The following SCN10A variants were observed in gnomAD, a reference collection of about 807,000 sequenced individuals.
SCN10A encodes the protein sodium channel protein type 10 subunit alpha.
A neutral mutation model predicts 170.7 loss-of-function variants in SCN10A; 162 were observed. The ratio of observed to expected loss-of-function variants is 0.95; its 90% CI spans 0.84 to 1.08. The LOEUF is 1.08. Ranked by LOEUF, SCN10A falls within the 50% of genes least tolerant of loss-of-function variation. The probability of loss-of-function intolerance (pLI) is 0.00; values close to 1 mark genes in which losing one functional copy is unlikely to be tolerated. For synonymous variants in SCN10A, 985 were observed against 904.6 expected (o/e 1.09, Z -1.59); for missense variants, 2,527 against 2,436.9 (o/e 1.04, Z -0.78).
At chr3:38,812,212 T>C (rs2064445499) in intron 1 of SCN10A, among the ~76,000 whole-genome samples, 1 of 152,250 alleles carries the variant, frequency 6.6e-6, no homozygotes, top group Non-Finnish European at 1.5e-5. Context: ...TTTCTATATT[T>C]TGGGCATAGT....
chr3:38,722,544 A>G (rs1178187248), intron 19 of SCN10A, 132 bp from the exon 20 acceptor site: 45 of 1,021,492 alleles, frequency 4.4e-5, no homozygotes, highest in Non-Finnish European at 6.3e-5. Flanking sequence ...CTTTCCTGGA[A>G]TATGGGTGAA....
At chr3:38,709,408 C>A in intron 25 of SCN10A, 70 bp downstream of exon 25, 1 of 1,493,166 alleles carries the variant, frequency 6.7e-7, no homozygotes, top group African/African-American at 1.4e-5. Context: ...GAGGCCAGAG[C>A]TGGGCAGGGA....
intron 1 of SCN10A, among the ~76,000 whole-genome samples, chr3:38,805,504 A>G (rs1024503469): frequency 3.9e-5 from 6 of 152,194 alleles, no homozygotes; most frequent in African/African-American, 1.4e-4. Context: ...CCAAGATGTA[A>G]GCATTTCATA....
intron 1 of SCN10A, among the ~76,000 whole-genome samples, chr3:38,803,036 G>T (rs1290628330): frequency 6.6e-6 from 1 of 152,134 alleles, no homozygotes; most frequent in Non-Finnish European, 1.5e-5. Context: ...GCAGCAAACA[G>T]GCACATGAAA....
chr3:38,797,663 G>T (rs1490319581), intron 1 of SCN10A, among the ~76,000 whole-genome samples: 3 of 152,088 alleles, frequency 2.0e-5, no homozygotes, highest in Non-Finnish European at 4.4e-5. Flanking sequence ...TCTCTTCCTT[G>T]TCTAGGGGAG....
At chr3:38,761,465 T>C (rs2063871135) in intron 6 of SCN10A, 82 bp from the exon 7 acceptor site, 2 of 1,236,870 alleles carry the variant, frequency 1.6e-6, no homozygotes. Context: ...CCATCCTCCT[T>C]CATCTCTACA....
intron 25 of SCN10A, among the ~76,000 whole-genome samples, chr3:38,709,028 A>G (rs2063241824): frequency 6.6e-6 from 1 of 152,148 alleles, no homozygotes; most frequent in South Asian, 2.1e-4. Context: ...CAGAGTCGGC[A>G]CCCTTGGAGG....
chr3:38,785,194 A>G (rs2064183510), intron 4 of SCN10A, among the ~76,000 whole-genome samples: 1 of 152,220 alleles, frequency 6.6e-6, no homozygotes, highest in Non-Finnish European at 1.5e-5. Context: ...AGCAAAAAGA[A>G]GAAAGTTGGA....
intron 15 of SCN10A, among the ~76,000 whole-genome samples, chr3:38,731,768 A>G (rs2063515320): frequency 6.6e-6 from 1 of 152,216 alleles, no homozygotes; most frequent in African/African-American, 2.4e-5. Context: ...GTAAGCATGA[A>G]GAGATAACTG....
chr3:38,728,515 G>A, intron 16 of SCN10A, 27 bp downstream of exon 16: 2 of 1,530,656 alleles, frequency 1.3e-6, no homozygotes, highest in Non-Finnish European at 1.8e-6. Context: ...CCAGGAGACA[G>A]TGCCCCCAGC....
At position 38,786,232 on chromosome 3, in the gene SCN10A, C is replaced by T. The variant is rs150522419; in HGVS notation, c.470+2724G>A. On this transcript the variant is annotated intron_variant, in intron 4 of 27. Coordinates refer to ENST00000449082, the MANE Select transcript of SCN10A (RefSeq NM_006514.4). The stretch of plus-strand genomic sequence containing the variant: ...AGCAAAGACTTGGAACTAACCCAAA[C>T]GCCCATCAGTGATAGACTGGATAAA... 4.4e-3 allele frequency among the ~76,000 whole-genome samples: 674 copies of T among 152,002 alleles called. 8 individuals are homozygous for T. The highest frequency in any genetic ancestry group is 0.015 in the African/African-American group (641 of 41,474).
intron 15 of SCN10A, among the ~76,000 whole-genome samples, chr3:38,729,788 C>T (rs1271948781): frequency 6.6e-6 from 1 of 152,220 alleles, no homozygotes; most frequent in African/African-American, 2.4e-5. Flanking sequence ...TACTAAGAGC[C>T]AGGCTGTGGC....
chr3:38,769,272 C>A (rs548550253), intron 5 of SCN10A, among the ~76,000 whole-genome samples: 277 of 74,688 alleles, frequency 3.7e-3, no homozygotes, highest in African/African-American at 0.013. Flanking sequence ...GATTTTCACT[C>A]TTGTTGCCCA....
intron 1 of SCN10A, 118 bp from the exon 2 acceptor site, chr3:38,794,160 T>A (rs896122241): frequency 1.4e-6 from 1 of 693,380 alleles, no homozygotes; most frequent in African/African-American, 1.8e-5. Flanking sequence ...ATCTGGCCCC[T>A]CCCTGAACTC....
chr3:38,763,202 T>G lies in SCN10A; in HGVS notation c.691+303A>C, dbSNP rs1162496617. Among the ~76,000 whole-genome samples, 4 of 152,202 alleles carry G rather than the reference T, an allele frequency of 2.6e-5. No individual in the cohort carries two copies. In the East Asian group the frequency reaches 7.7e-4, roughly 29 times the overall value. On this transcript the variant is annotated intron_variant, in intron 6 of 27. Transcript: ENST00000449082. ...AAAAATTCAACTGAGGGGTCTTGCC[T>G]GAATCCCACAACCAGAACAGAAAGT...
At chr3:38,797,906 A>G (rs1006340701) in intron 1 of SCN10A, among the ~76,000 whole-genome samples, 5 of 152,210 alleles carry the variant, frequency 3.3e-5, no homozygotes, top group Admixed American at 6.5e-5. Context: ...CCCTCCAGCT[A>G]AGGACAAAAT....
intron 8 of SCN10A, among the ~76,000 whole-genome samples, chr3:38,759,993 G>A (rs1382808624): frequency 6.6e-6 from 1 of 152,062 alleles, no homozygotes; most frequent in Non-Finnish European, 1.5e-5. Flanking sequence ...TAAGTGTAGA[G>A]CATTTGACAC....
Position 38,752,491 on chromosome 3 carries a change from C to T in SCN10A, c.1483G>A (p.Gly495Arg). The change falls in exon 12 of 28, where the codon GGA becomes AGA. Residue 495 changes from glycine (G) to arginine (R), a missense_variant. Transcript: ENST00000449082. ...RRMSFLGLASGKRRASHGSVF... is the reference protein window; with the variant it reads ...RRMSFLGLASRKRRASHGSVF... ...CTGCCATGACTAGCCCGGCGTTTTC[C>T]AGAGGCGAGGCCTAGAAAAGACTGG... The T allele has an allele frequency of 6.3e-7, 1 of 1,597,462 alleles. No individual in the cohort carries two copies. The highest frequency in any genetic ancestry group is 1.1e-5 in the South Asian group (1 of 88,600).
chr3:38,712,122 C>A, intron 23 of SCN10A, 39 bp downstream of exon 23: 1 of 1,601,724 alleles, frequency 6.2e-7, no homozygotes, highest in Non-Finnish European at 8.5e-7. Flanking sequence ...TATTGAGCGG[C>A]CAAAGCAAGA....
Sources: allele counts gnomAD v4.1 joint callset (sites outside exome capture counted in the v4.1 genomes callset), GRCh38; gene constraint gnomAD v4.1.1; transcripts MANE v1.5; gene names NCBI Gene and HGNC (gene_info 2026-07-23, HGNC 2026-07-21).